Variants in RARB observed in about 807,000 individuals in gnomAD.
RARB encodes HBV-activated protein.
Under a neutral mutation model 51.9 loss-of-function variants are expected in RARB, and 17 were observed. That is an observed-to-expected ratio of 0.33 (90% CI 0.22 to 0.49). The LOEUF is 0.49. Among genes scored for constraint, RARB ranks in the 20% least tolerant of loss-of-function variants. The pLI, the probability that RARB is intolerant of heterozygous loss-of-function variation, is 0.99. For missense variants in RARB, 369 were observed against 550.8 expected, an observed-to-expected ratio of 0.67 and a Z score of 3.30; for synonymous variants, 215 against 195.4, an observed-to-expected ratio of 1.10 and a Z score of -0.84.
chr3:25,119,884 A>C (rs1699751411), intron 3 of RARB, among the ~76,000 whole-genome samples: 1 of 152,170 alleles, frequency 6.6e-6, no homozygotes, highest in Admixed American at 6.6e-5. Context: ...TTAGTAGATA[A>C]GTGAGATAAC....
intron 5 of RARB, among the ~76,000 whole-genome samples, chr3:25,328,263 T>A (rs1704783651): frequency 6.6e-6 from 1 of 152,260 alleles, no homozygotes; most frequent in Admixed American, 6.5e-5. Context: ...CTTACGCCTG[T>A]AATCCCAACA....
chr3:25,325,247 C>G (rs1475833140), intron 5 of RARB, among the ~76,000 whole-genome samples: 2 of 152,092 alleles, frequency 1.3e-5, no homozygotes, highest in Admixed American at 6.6e-5. Flanking sequence ...GGGAGTGTCT[C>G]TCAGCATGCT....
intron 4 of RARB, among the ~76,000 whole-genome samples, chr3:25,576,204 G>A (rs1700922528): frequency 6.6e-6 from 1 of 152,144 alleles, no homozygotes; most frequent in African/African-American, 2.4e-5. Context: ...TTTGGGTGCT[G>A]GGATAAGGTG....
chr3:24,916,947 TAACAC>T lies in RARB; in HGVS notation c.-380+58198_-380+58202del, dbSNP rs1695119676. 3.3e-5 allele frequency among the ~76,000 whole-genome samples: 5 copies of T among 152,250 alleles called. No homozygotes were observed. In the South Asian group the frequency reaches 1.0e-3, roughly 32 times the overall value. On this transcript the variant is annotated intron_variant, in intron 2 of 11. Transcript: ENST00000383772. ...AATATTTTGCTGAGTGGAAGAAACA[TAACAC>T]AAACTGTACACATTCAATTATTCCA... is the stretch of plus-strand genomic sequence containing the variant.
chr3:25,310,171 C>T (rs1265949522), intron 5 of RARB, among the ~76,000 whole-genome samples: 8 of 152,150 alleles, frequency 5.3e-5, no homozygotes, highest in Admixed American at 4.6e-4. Flanking sequence ...GGCACGGTGA[C>T]GAGCAGCACT....
chr3:25,352,498 C>G (rs1269565710), intron 5 of RARB: 1 of 152,176 alleles, frequency 6.6e-6, no homozygotes, highest in Non-Finnish European at 1.5e-5. Context: ...CTTGGCTTCT[C>G]TTTGTCAAGC....
chr3:24,924,493 T>A (rs920558990), intron 2 of RARB, among the ~76,000 whole-genome samples: 16 of 152,142 alleles, frequency 1.1e-4, no homozygotes, highest in Admixed American at 1.0e-3. Context: ...ATATGGGTAA[T>A]GTGAGATGAA....
intron 5 of RARB, among the ~76,000 whole-genome samples, chr3:25,327,847 C>A (rs1704771200): frequency 2.0e-5 from 3 of 152,000 alleles, no homozygotes; most frequent in African/African-American, 4.8e-5. Context: ...GCAAGTAATA[C>A]TAATAATGAG....
chr3:24,859,610 T>A (rs1358078452), intron 2 of RARB, among the ~76,000 whole-genome samples: 2 of 152,216 alleles, frequency 1.3e-5, no homozygotes, highest in African/African-American at 4.8e-5. Context: ...ATAATCAGTA[T>A]GCTTTGCTTA....
intron 2 of RARB, among the ~76,000 whole-genome samples, chr3:24,938,257 A>G (rs1695586500): frequency 6.6e-6 from 1 of 152,160 alleles, no homozygotes; most frequent in Admixed American, 6.5e-5. Context: ...GCAATTTTCT[A>G]TCTACAATCT....
At chr3:25,174,348 A>G in exon 5 of RARB, 1 of 1,328,164 alleles carries the variant, frequency 7.5e-7, no homozygotes, top group Non-Finnish European at 1.0e-6. Flanking sequence ...TAAGACCTGG[A>G]GTGATGTGTT....
intron 2 of RARB, among the ~76,000 whole-genome samples, chr3:24,888,721 A>G (rs1319507751): frequency 6.6e-6 from 1 of 152,160 alleles, no homozygotes; most frequent in African/African-American, 2.4e-5. Flanking sequence ...GGATATAAAT[A>G]TGTCTGCTAT....
At chr3:25,161,454 C>T (rs1209764578) in intron 4 of RARB, among the ~76,000 whole-genome samples, 12 of 152,126 alleles carry the variant, frequency 7.9e-5, no homozygotes, top group Non-Finnish European at 5.9e-5. Flanking sequence ...GGCCATTCTG[C>T]TGTCTACCAT....
chr3:24,867,235 G>A (rs958005073), intron 2 of RARB, among the ~76,000 whole-genome samples: 1 of 152,138 alleles, frequency 6.6e-6, no homozygotes, highest in Non-Finnish European at 1.5e-5. Context: ...TACAAAGGTG[G>A]TTAAGTTTTG....
intron 3 of RARB, among the ~76,000 whole-genome samples, chr3:25,553,087 G>A (rs773579897): frequency 1.3e-5 from 2 of 151,770 alleles, no homozygotes; most frequent in Non-Finnish European, 2.9e-5. Flanking sequence ...AATGCATGAG[G>A]AGTTAAAGTA....
intron 5 of RARB, among the ~76,000 whole-genome samples, chr3:25,329,410 C>G (rs1401236743): frequency 6.6e-6 from 1 of 152,144 alleles, no homozygotes; most frequent in Non-Finnish European, 1.5e-5. Flanking sequence ...TGGAATGGAC[C>G]TCCAGCAAAC....
intron 5 of RARB, among the ~76,000 whole-genome samples, chr3:25,348,825 T>C (rs952644921): frequency 6.6e-6 from 1 of 152,208 alleles, no homozygotes; most frequent in Non-Finnish European, 1.5e-5. Flanking sequence ...GGTTTGTAAC[T>C]CCCAAAGTTT....
chr3:25,493,721 T>G lies in RARB; in HGVS notation c.307-7461T>G, dbSNP rs569839166. Among the ~76,000 whole-genome samples, 6 of 152,342 alleles carry G rather than the reference T, an allele frequency of 3.9e-5. No individual in the cohort carries two copies. In the South Asian group the frequency reaches 1.2e-3, roughly 32 times the overall value. ...CAGCCCAGTTCACATAGATGTACTT[T>G]CCACACCACTTTTTGGGTGGATTCC... On this transcript the variant is annotated intron_variant, in intron 2 of 7. Coordinates refer to ENST00000330688, the MANE Select transcript of RARB (RefSeq NM_000965.5).
chr3:25,464,571 G>T (rs2125559640), intron 2 of RARB, among the ~76,000 whole-genome samples: 1 of 152,072 alleles, frequency 6.6e-6, no homozygotes, highest in East Asian at 1.9e-4. Context: ...AGCTTGCTGG[G>T]AAAATACAGT....
Sources: gnomAD v4.1 joint callset for allele counts (sites outside exome capture counted in the v4.1 genomes callset) on GRCh38, gnomAD v4.1.1 for gene constraint, MANE v1.5 for transcripts, NCBI Gene and HGNC (gene_info 2026-07-23, HGNC 2026-07-21) for gene names.